TANC2: variants seen among roughly 807,000 people sequenced by gnomAD.
TANC2 encodes the protein tetratricopeptide repeat, ankyrin repeat and coiled-coil containing 2.
A neutral mutation model predicts 210.5 loss-of-function variants in TANC2; 26 were observed. The ratio of observed to expected loss-of-function variants is 0.12; its 90% CI spans 0.09 to 0.17. TANC2 has a LOEUF of 0.17. Ranked by LOEUF, TANC2 falls within the 10% of genes least tolerant of loss-of-function variation. TANC2 has a pLI of 1.00. For missense variants in TANC2, 2,129 were observed against 2,608.9 expected (o/e 0.82, Z 4.01); for synonymous variants, 931 against 967.1 (o/e 0.96, Z 0.69).
chr17:62,967,862 A>AT (rs1167592313), intron 1 of TANC2, among the ~76,000 whole-genome samples: 1 of 151,956 alleles, frequency 6.6e-6, no homozygotes, highest in Non-Finnish European at 1.5e-5. Flanking sequence ...GTAAATTGGC[A>AT]TAAAAAGCAA....
chr17:63,142,010 AAGTT>A (rs1470498713), intron 4 of TANC2, among the ~76,000 whole-genome samples: 1 of 152,232 alleles, frequency 6.6e-6, no homozygotes, highest in African/African-American at 2.4e-5. Context: ...TGATTGAACT[AAGTT>A]AGAACAAACT....
intron 5 of TANC2, among the ~76,000 whole-genome samples, chr17:63,169,327 T>G (rs1051693855): frequency 6.6e-6 from 1 of 152,194 alleles, no homozygotes; most frequent in Non-Finnish European, 1.5e-5. Context: ...ATTCAGTATT[T>G]GGAAATATTT....
At chr17:63,164,963 G>A (rs2040161745) in intron 5 of TANC2, among the ~76,000 whole-genome samples, 1 of 152,092 alleles carries the variant, frequency 6.6e-6, no homozygotes, top group African/African-American at 2.4e-5. Context: ...GCCCAGTCAG[G>A]TTGACAAATA....
chr17:62,997,396 T>C (rs1400930462), intron 1 of TANC2, among the ~76,000 whole-genome samples: 4 of 152,200 alleles, frequency 2.6e-5, no homozygotes, highest in Non-Finnish European at 5.9e-5. Context: ...TGTTGTATTC[T>C]CCTGCAGAAA....
chr17:62,975,412 A>C (rs572294375), intron 1 of TANC2, among the ~76,000 whole-genome samples: 66 of 152,308 alleles, frequency 4.3e-4, no homozygotes, highest in African/African-American at 1.5e-3. Flanking sequence ...ATTGTGAATT[A>C]GTGTGAATGA....
At chr17:63,114,927 A>T (rs1390317800) in intron 4 of TANC2, among the ~76,000 whole-genome samples, 1 of 152,174 alleles carries the variant, frequency 6.6e-6, no homozygotes, top group African/African-American at 2.4e-5. Flanking sequence ...AAGTATTTTA[A>T]TCATGTCCTC....
intron 6 of TANC2, among the ~76,000 whole-genome samples, chr17:63,199,181 T>C (rs565865222): frequency 2.6e-5 from 4 of 152,314 alleles, no homozygotes; most frequent in African/African-American, 7.2e-5. Context: ...TCTCCAGTTA[T>C]TAAATTTTAG....
chr17:63,421,495 C>T lies in TANC2; in HGVS notation c.5765C>T (p.Thr1922Ile), dbSNP rs771240133. The change falls in exon 28 of 28, where the codon ACC becomes ATC. Residue 1922 changes from threonine (T) to isoleucine (I), a missense_variant. Physicochemically the swap from Thr to Ile is moderately conservative, Grantham distance 89 (BLOSUM62 -1). Around this residue, in one of 5 missense-constraint regions of TANC2, gnomAD observed 584 missense variants for 627.3 expected, o/e 0.93. Coordinates refer to ENST00000689528, the Ensembl canonical transcript of TANC2. This position sits in a 1 kb window ranked among gnomAD's most constrained non-coding sequence, Gnocchi z 6.9. ...CAAGGAGGTTACCCCAGTGAGCCCA[C>T]CCGATCCAGGACCACACCATTCATG... The T allele has an allele frequency of 1.2e-6, 2 of 1,613,876 alleles. No individual in the cohort carries two copies. Among genetic ancestry groups the T allele is most frequent in the Admixed American group, 1.7e-5 (1 of 59,998 alleles).
intron 11 of TANC2, among the ~76,000 whole-genome samples, chr17:63,330,944 C>T (rs560848892): frequency 6.6e-6 from 1 of 152,176 alleles, no homozygotes; most frequent in African/African-American, 2.4e-5. Context: ...GGCATGATGG[C>T]GCATGCCTGT....
rs2048743368 is a variant in TANC2 at position 63,412,733 on chromosome 17, C to G, written c.3928+24C>G. 6.5e-7 allele frequency: 1 copy of G among 1,535,686 alleles called. No individual in the cohort carries two copies. ...AGGTATATTTCACCGCTGTCAGCAT[C>G]AGGCGTGGTCTGATGGCTTGGTCAG... On this transcript the variant is annotated intron_variant, in intron 24 of 27. Coordinates refer to ENST00000689528, the Ensembl canonical transcript of TANC2. This position sits in a 1 kb window ranked among gnomAD's most constrained non-coding sequence, Gnocchi z 4.2.
chr17:63,178,345 A>G (rs1598538962), intron 5 of TANC2, among the ~76,000 whole-genome samples: 2 of 151,880 alleles, frequency 1.3e-5, no homozygotes. Flanking sequence ...AAAAAAACAC[A>G]AAAAACTGCC....
exon 28 of TANC2, chr17:63,426,275 T>C (rs905994026): frequency 6.6e-6 from 1 of 152,116 alleles, no homozygotes; most frequent in Non-Finnish European, 1.5e-5. Flanking sequence ...CTAACAACAA[T>C]GAACAAAGGG....
chr17:63,143,675 TA>T (rs1159440192), intron 4 of TANC2, among the ~76,000 whole-genome samples: 3 of 152,214 alleles, frequency 2.0e-5, no homozygotes, highest in Non-Finnish European at 2.9e-5. Flanking sequence ...TATTTCTTTG[TA>T]ACAATTTGCT....
At chr17:63,153,814 G>A (rs577399699) in intron 5 of TANC2, 1 of 152,184 alleles carries the variant, frequency 6.6e-6, no homozygotes, top group South Asian at 2.1e-4. Context: ...CTGAGAAATA[G>A]ACTTATATAT....
chr17:63,019,921 T>G (rs1265827498), intron 2 of TANC2, among the ~76,000 whole-genome samples: 1 of 152,100 alleles, frequency 6.6e-6, no homozygotes, highest in Non-Finnish European at 1.5e-5. Flanking sequence ...AGTTTTTGTT[T>G]GTTTGTTTGT....
At chr17:63,295,672 G>T (rs1380308634) in intron 9 of TANC2, among the ~76,000 whole-genome samples, 3 of 152,130 alleles carry the variant, frequency 2.0e-5, no homozygotes, top group Non-Finnish European at 4.4e-5. Context: ...GGTCGTCAGT[G>T]GGATAACTCA....
chr17:63,050,242 G>A (rs1404575742), intron 2 of TANC2, among the ~76,000 whole-genome samples: 4 of 151,782 alleles, frequency 2.6e-5, no homozygotes, highest in South Asian at 2.1e-4. Flanking sequence ...GGTGGTGCAC[G>A]CCTACTCAGG....
chr17:63,006,991 C>T (rs888972960), intron 1 of TANC2, among the ~76,000 whole-genome samples: 6 of 151,688 alleles, frequency 4.0e-5, no homozygotes, highest in South Asian at 4.2e-4. Context: ...TTTGGGAGGC[C>T]GAGGTGGGAG....
chr17:63,313,066 G>A lies in TANC2; in HGVS notation c.1160-1322G>A, dbSNP rs190787721. Among the ~76,000 whole-genome samples the A allele has an allele frequency of 2.0e-3, 310 of 152,282 alleles. 1 individual carries two copies. Among genetic ancestry groups the A allele is most frequent in the African/African-American group, 7.0e-3 (291 of 41,560 alleles). On this transcript the variant is annotated intron_variant, in intron 9 of 27. Coordinates refer to ENST00000689528, the Ensembl canonical transcript of TANC2. ...CTGTATCCCACCTTGTGGTGTGTAAGTGGTTCAAGTATGTTCTAGAGTAAC... is the reference window on the plus strand; with the variant it reads ...CTGTATCCCACCTTGTGGTGTGTAAATGGTTCAAGTATGTTCTAGAGTAAC...
Sources: gnomAD v4.1 joint callset for allele counts (sites outside exome capture counted in the v4.1 genomes callset) on GRCh38, gnomAD v4.1.1 for gene constraint, gnomAD v4.1.1 regional missense constraint, Gnocchi (gnomAD v3.1) non-coding constraint, MANE v1.5 for transcripts, NCBI Gene and HGNC (gene_info 2026-07-23, HGNC 2026-07-21) for gene names.